DCC: variants seen among roughly 807,000 people sequenced by gnomAD.
The protein encoded by DCC is netrin receptor DCC.
DCC carries 58 observed loss-of-function variants against 172.5 expected under a neutral mutation model. That is an observed-to-expected ratio of 0.34 (90% CI 0.27 to 0.42). The LOEUF (loss-of-function observed/expected upper bound fraction) is 0.42. Among genes scored for constraint, DCC ranks in the 10% least tolerant of loss-of-function variants. DCC has a pLI of 1.00. For missense variants in DCC, 1,740 were observed against 1,791.0 expected (o/e 0.97, Z 0.51); for synonymous variants, 709 against 644.5 (o/e 1.10, Z -1.52).
intron 5 of DCC, among the ~76,000 whole-genome samples, chr18:52,988,372 G>T (rs748942742): frequency 2.0e-5 from 3 of 152,078 alleles, no homozygotes; most frequent in Non-Finnish European, 2.9e-5. Context: ...ACATCCAAAT[G>T]ATTGACAGGT....
chr18:52,810,957 T>G (rs2038185943), intron 2 of DCC, among the ~76,000 whole-genome samples: 1 of 152,158 alleles, frequency 6.6e-6, no homozygotes, highest in Non-Finnish European at 1.5e-5. Flanking sequence ...TTTCAGCATC[T>G]GAAATATAAT....
intron 9 of DCC, among the ~76,000 whole-genome samples, chr18:53,203,262 G>C (rs2055572818): frequency 6.6e-6 from 1 of 151,298 alleles, no homozygotes; most frequent in Non-Finnish European, 1.5e-5. Context: ...TAATTATACA[G>C]AAAGGAATAT....
chr18:53,318,615 G>A (rs969816393), intron 13 of DCC, among the ~76,000 whole-genome samples: 6 of 152,030 alleles, frequency 3.9e-5, no homozygotes, highest in African/African-American at 1.2e-4. Context: ...AGTGGGAGTC[G>A]AAGTCTCTTT....
At position 52,705,667 on chromosome 18, in the gene DCC, T is replaced by G. The variant is rs557965147; in HGVS notation, c.92-46387T>G. Reference sequence around the variant, plus strand: ...AGATCTAAAAACACAGATCTTGATCTAGCTTTTATCATTCTGTGCTGTGTG... The same window carrying G: ...AGATCTAAAAACACAGATCTTGATCGAGCTTTTATCATTCTGTGCTGTGTG... On this transcript the variant is annotated intron_variant, in intron 1 of 28. Transcript: ENST00000442544. 1.4e-4 allele frequency among the ~76,000 whole-genome samples: 22 copies of G among 152,310 alleles called. No homozygotes were observed. In the South Asian group the frequency reaches 4.4e-3, roughly 30 times the overall value.
At chr18:53,437,332 G>A (rs1912004814) in intron 22 of DCC, among the ~76,000 whole-genome samples, 1 of 152,120 alleles carries the variant, frequency 6.6e-6, no homozygotes, top group African/African-American at 2.4e-5. Flanking sequence ...TGTAATCCCA[G>A]CACTTTGGGA....
intron 5 of DCC, among the ~76,000 whole-genome samples, chr18:53,034,557 C>G (rs1224875341): frequency 6.6e-6 from 1 of 151,804 alleles, no homozygotes; most frequent in Non-Finnish European, 1.5e-5. Flanking sequence ...CTCAAACTAC[C>G]ATTATGTCTC....
At chr18:53,468,058 T>G (rs1359097396) in intron 25 of DCC, 48 bp downstream of exon 25, 2 of 913,386 alleles carry the variant, frequency 2.2e-6, no homozygotes, top group Non-Finnish European at 3.7e-6. Context: ...GCTTTCTGTA[T>G]GTATCTTTTC....
intron 2 of DCC, among the ~76,000 whole-genome samples, chr18:52,870,812 A>G (rs962516696): frequency 5.9e-5 from 9 of 151,718 alleles, no homozygotes; most frequent in Admixed American, 2.0e-4. Flanking sequence ...TCTTGGAAAA[A>G]ATCTTAACCT....
chr18:53,154,741 G>A (rs1016643118), intron 7 of DCC, among the ~76,000 whole-genome samples: 4 of 152,088 alleles, frequency 2.6e-5, no homozygotes, highest in Non-Finnish European at 4.4e-5. Flanking sequence ...GATGGGCTTC[G>A]GGTTTCCAGG....
chr18:53,146,641 C>G (rs2043920415), intron 7 of DCC, among the ~76,000 whole-genome samples: 1 of 152,120 alleles, frequency 6.6e-6, no homozygotes. Flanking sequence ...AAAGCCAATT[C>G]TATAATTCTT....
At chr18:52,451,227 C>T (rs1988293713) in intron 1 of DCC, among the ~76,000 whole-genome samples, 1 of 152,094 alleles carries the variant, frequency 6.6e-6, no homozygotes, top group South Asian at 2.1e-4. Context: ...GAAGAGGTGA[C>T]CTAGGGTATA....
chr18:52,991,513 A>G (rs1050070612), intron 5 of DCC, among the ~76,000 whole-genome samples: 2 of 152,096 alleles, frequency 1.3e-5, no homozygotes, highest in African/African-American at 4.8e-5. Flanking sequence ...GCCAACCCCA[A>G]TGTCTCAGCT....
intron 5 of DCC, among the ~76,000 whole-genome samples, chr18:53,027,151 C>T (rs772094583): frequency 3.3e-5 from 5 of 152,222 alleles, no homozygotes; most frequent in African/African-American, 9.6e-5. Context: ...AGCATACCCT[C>T]CTTAGGACAA....
At chr18:53,509,939 C>T (rs1029908690) in intron 27 of DCC, among the ~76,000 whole-genome samples, 3 of 152,170 alleles carry the variant, frequency 2.0e-5, no homozygotes, top group Non-Finnish European at 4.4e-5. Context: ...TTCATAGAAA[C>T]ACCTGAGGCT....
rs531010363 is a variant in DCC, at chr18:53,472,221, C to T, written c.3736+4211C>T. ...TATGCGTCTCATTGTTAGGTTCTCT[C>T]ATTTACTAGAGAGAGAAGAAAGGAT... On this transcript the variant is annotated intron_variant, in intron 25 of 28. Coordinates refer to ENST00000442544, the MANE Select transcript of DCC (RefSeq NM_005215.4). Among the ~76,000 whole-genome samples the T allele has an allele frequency of 2.4e-4, 36 of 152,276 alleles. 1 individual carries two copies. The South Asian group carries it at 6.0e-3, about 25-fold the overall frequency.
chr18:53,372,331 G>A (rs2058067249), intron 15 of DCC, among the ~76,000 whole-genome samples: 1 of 152,020 alleles, frequency 6.6e-6, no homozygotes, highest in Non-Finnish European at 1.5e-5. Context: ...GGAACTGGAA[G>A]CCATTATCCT....
intron 1 of DCC, among the ~76,000 whole-genome samples, chr18:52,630,290 G>A (rs1290872753): frequency 6.6e-6 from 1 of 152,198 alleles, no homozygotes; most frequent in Admixed American, 6.5e-5. Context: ...TACACAGTGA[G>A]ACAGAGAAGG....
chr18:53,473,903 C>G (rs2045729684), intron 25 of DCC, among the ~76,000 whole-genome samples: 1 of 152,184 alleles, frequency 6.6e-6, no homozygotes, highest in African/African-American at 2.4e-5. Flanking sequence ...ATCTACTCTA[C>G]TATATTGCTT....
At chr18:52,412,190 G>A (rs1986866687) in intron 1 of DCC, among the ~76,000 whole-genome samples, 2 of 152,038 alleles carry the variant, frequency 1.3e-5, no homozygotes, top group Non-Finnish European at 2.9e-5. Flanking sequence ...TTACACATAT[G>A]TGAGTGTATG....
Sources: allele counts gnomAD v4.1 joint callset (sites outside exome capture counted in the v4.1 genomes callset), GRCh38; gene constraint gnomAD v4.1.1; transcripts MANE v1.5; gene names NCBI Gene and HGNC (gene_info 2026-07-23, HGNC 2026-07-21).